GBF1: variants seen among roughly 807,000 people sequenced by gnomAD.
The protein encoded by GBF1 is Golgi-specific brefeldin A-resistance guanine nucleotide exchange factor 1.
A neutral mutation model predicts 210.5 loss-of-function variants in GBF1; 114 were observed. The observed-to-expected ratio is 0.54, with a 90% CI of 0.47 to 0.63. GBF1 has a LOEUF of 0.63. Ranked by LOEUF, GBF1 falls within the 30% of genes least tolerant of loss-of-function variation. The pLI is 0.00. For missense variants in GBF1, 1,851 were observed against 2,357.7 expected (o/e 0.79, Z 4.45); for synonymous variants, 850 against 889.2 (o/e 0.96, Z 0.78).
chr10:102,293,769 G>GT (rs2076658017), intron 3 of GBF1, among the ~76,000 whole-genome samples: 1 of 27,770 alleles, frequency 3.6e-5, no homozygotes. Context: ...AGTATGTTTT[G>GT]TGTTTTTTTT....
rs1415778037 is a variant in GBF1 at position 102,379,268 on chromosome 10, C to T, written c.4495-16C>T. 4 of 1,609,822 alleles carry T rather than the reference C, an allele frequency of 2.5e-6. No individual in the cohort carries two copies. The highest frequency in any genetic ancestry group is 2.2e-5 in the East Asian group (1 of 44,840). On this transcript the variant is annotated splice_polypyrimidine_tract_variant and intron_variant, in intron 33 of 39. Coordinates refer to ENST00000369983, the MANE Select transcript of GBF1 (RefSeq NM_001377137.1). ...ACCTAACCCCACTCACATCCTGCCC[C>T]CTCCTGTGATCCTAGTTGCTAGACC...
At chr10:102,279,006 T>A (rs75845365) in intron 3 of GBF1, among the ~76,000 whole-genome samples, 12 of 152,254 alleles carry the variant, frequency 7.9e-5, no homozygotes, top group African/African-American at 2.9e-4. Context: ...ATACCTAACA[T>A]ACATTGATAA....
At chr10:102,262,435 G>A (rs192367725) in intron 3 of GBF1, among the ~76,000 whole-genome samples, 2 of 152,118 alleles carry the variant, frequency 1.3e-5, no homozygotes, top group East Asian at 1.9e-4. Context: ...GTTTGGTTTT[G>A]AATTCAGAGT....
intron 14 of GBF1, 138 bp downstream of exon 14, chr10:102,362,050 CTTTT>C (rs1164670758): frequency 5.9e-3 from 735 of 124,338 alleles, no homozygotes; most frequent in South Asian, 0.016. Context: ...CTTTTCTTTT[CTTTT>C]TTTTTTTTTT....
At chr10:102,231,574 T>A in the GBF1 span, 1 of 1,551,716 alleles carries the variant, frequency 6.4e-7, no homozygotes, top group Non-Finnish European at 8.8e-7. Context: ...GAGTCGCGGG[T>A]CTGGAGAGCA....
intron 2 of GBF1, among the ~76,000 whole-genome samples, chr10:102,259,494 C>T (rs140799657): frequency 1.3e-5 from 2 of 152,156 alleles, no homozygotes; most frequent in Non-Finnish European, 2.9e-5. Flanking sequence ...AAGAAACTTA[C>T]CTGTTATACA....
intron 3 of GBF1, among the ~76,000 whole-genome samples, chr10:102,316,876 T>C (rs1179500214): frequency 6.6e-6 from 1 of 152,138 alleles, no homozygotes; most frequent in African/African-American, 2.4e-5. Context: ...AAGGAGAGGA[T>C]GAGGGATTTG....
chr10:102,372,916 G>GGAACAGATCC (rs1233235212), intron 29 of GBF1, among the ~76,000 whole-genome samples: 1 of 152,134 alleles, frequency 6.6e-6, no homozygotes, highest in Non-Finnish European at 1.5e-5. Context: ...CTGTCTGGAT[G>GGAACAGATCC]GAACAGATCC....
At position 102,358,117 on chromosome 10, in the gene GBF1, A is replaced by G. The variant is rs147520964; in HGVS notation, c.718A>G (p.Met240Val). Residue 240 changes from methionine to valine, a missense_variant, in exon 9 of 40, where the codon ATG (methionine) becomes GTG (valine). Met to Val is a conservative substitution (Grantham distance 21). Transcript: ENST00000369983. ...GAGATCCCCTCGGCCCCCACGCCATATGACCAAAGTCACACCAGGTTCAGA... is the reference window on the plus strand; with the variant it reads ...GAGATCCCCTCGGCCCCCACGCCATGTGACCAAAGTCACACCAGGTTCAGA... ...QKRSPRPPRH[M>V]TKVTPGSELP... 9 of 1,612,858 alleles carry G rather than the reference A, an allele frequency of 5.6e-6. No homozygotes were observed. Among genetic ancestry groups the G allele is most frequent in the African/African-American group, 1.3e-5 (1 of 74,894 alleles).
chr10:102,321,356 A>C (rs532974111), intron 3 of GBF1, among the ~76,000 whole-genome samples: 1 of 152,060 alleles, frequency 6.6e-6, no homozygotes, highest in South Asian at 2.1e-4. Flanking sequence ...ATTAATTTGC[A>C]TCTTTCTTTA....
chr10:102,377,501 G>A (rs558557057), intron 33 of GBF1, among the ~76,000 whole-genome samples: 2 of 152,026 alleles, frequency 1.3e-5, no homozygotes, highest in African/African-American at 4.8e-5. Flanking sequence ...CTACAGGCGC[G>A]TGCCACCATG....
intron 3 of GBF1, among the ~76,000 whole-genome samples, chr10:102,304,087 A>C (rs1054098947): frequency 1.3e-5 from 2 of 152,196 alleles, no homozygotes; most frequent in African/African-American, 4.8e-5. Flanking sequence ...TTCTAATAGG[A>C]ATAAAATAAC....
intron 3 of GBF1, among the ~76,000 whole-genome samples, chr10:102,283,807 C>G (rs1223455311): frequency 1.3e-5 from 2 of 152,116 alleles, no homozygotes; most frequent in Non-Finnish European, 2.9e-5. Context: ...AGTGAAGTAC[C>G]TGTGTTTCCA....
chr10:102,373,261 T>C (rs754698451), intron 29 of GBF1, among the ~76,000 whole-genome samples: 1 of 152,202 alleles, frequency 6.6e-6, no homozygotes, highest in African/African-American at 2.4e-5. Flanking sequence ...GAAATGAAGA[T>C]AGCATCATTA....
At chr10:102,249,118 T>A (rs2071189154) in intron 1 of GBF1, among the ~76,000 whole-genome samples, 1 of 152,220 alleles carries the variant, frequency 6.6e-6, no homozygotes, top group African/African-American at 2.4e-5. Flanking sequence ...CCAAAGAAAA[T>A]ATGTCTGTGG....
chr10:102,347,332 C>T (rs1395680420), intron 4 of GBF1, among the ~76,000 whole-genome samples: 1 of 152,214 alleles, frequency 6.6e-6, no homozygotes, highest in Non-Finnish European at 1.5e-5. Flanking sequence ...TCAGCCTCTC[C>T]GACACCCTAG....
At chr10:102,309,751 T>A (rs997632951) in intron 3 of GBF1, among the ~76,000 whole-genome samples, 2 of 152,246 alleles carry the variant, frequency 1.3e-5, no homozygotes, top group African/African-American at 4.8e-5. Context: ...TTTAATTCAT[T>A]ATTAGTTGTA....
At chr10:102,232,537 C>T in the GBF1 span, among the ~76,000 whole-genome samples, 1 of 152,072 alleles carries the variant, frequency 6.6e-6, no homozygotes, top group East Asian at 1.9e-4. Context: ...ACAAAAATTG[C>T]TGGGCGGGGT....
At chr10:102,262,553 A>G (rs2073371101) in intron 3 of GBF1, among the ~76,000 whole-genome samples, 1 of 152,222 alleles carries the variant, frequency 6.6e-6, no homozygotes, top group South Asian at 2.1e-4. Flanking sequence ...GTGACTGGGA[A>G]TACCCTAAAA....
Sources: allele counts gnomAD v4.1 joint callset (sites outside exome capture counted in the v4.1 genomes callset), GRCh38; gene constraint gnomAD v4.1.1; transcripts MANE v1.5; gene names NCBI Gene and HGNC (gene_info 2026-07-23, HGNC 2026-07-21).